Variants in AKAP6 observed in about 807,000 individuals in gnomAD.
The protein encoded by AKAP6 is A-kinase anchor protein 6.
A neutral mutation model predicts 188.5 loss-of-function variants in AKAP6; 58 were observed. The observed-to-expected ratio is 0.31, with a 90% confidence interval of 0.25 to 0.38. The LOEUF is 0.38. AKAP6 is among the 10% of genes least tolerant of loss of function. AKAP6 has a pLI of 1.00. For missense variants in AKAP6, 2,710 were observed against 2,740.0 expected (o/e 0.99, Z 0.24); for synonymous variants, 989 against 998.6 (o/e 0.99, Z 0.18).
chr14:32,610,576 C>T (rs1886312048), intron 7 of AKAP6, among the ~76,000 whole-genome samples: 1 of 152,064 alleles, frequency 6.6e-6, no homozygotes, highest in Non-Finnish European at 1.5e-5. Flanking sequence ...GCGATGAATA[C>T]AAGAGATACA....
chr14:32,775,745 T>C (rs773710806), intron 12 of AKAP6, among the ~76,000 whole-genome samples: 2 of 152,146 alleles, frequency 1.3e-5, no homozygotes, highest in African/African-American at 4.8e-5. Flanking sequence ...TCTACTTCTA[T>C]GGTAAAGGCA....
chr14:32,754,333 G>C (rs966865278), intron 11 of AKAP6, among the ~76,000 whole-genome samples: 1 of 151,976 alleles, frequency 6.6e-6, no homozygotes, highest in Admixed American at 6.6e-5. Flanking sequence ...CATTTGCATG[G>C]AGTATGCAAC....
At chr14:32,632,432 T>G (rs1180415573) in intron 7 of AKAP6, among the ~76,000 whole-genome samples, 1 of 152,088 alleles carries the variant, frequency 6.6e-6, no homozygotes, top group Non-Finnish European at 1.5e-5. Flanking sequence ...TGGGAGAACT[T>G]GGGCTTCTCC....
rs56318246 is a variant in AKAP6, at chr14:32,355,781, C to CT, written c.-35+26384dup. On this transcript the variant is annotated intron_variant, in intron 1 of 13. Coordinates refer to ENST00000280979, the MANE Select transcript of AKAP6 (RefSeq NM_004274.5). The stretch of plus-strand genomic sequence containing the variant: ...ATTGTGATTTCTTTTCTTTTCTTTT[C>CT]TTTTTTTTTTTGAGACAAGTTCTTG... Among the ~76,000 whole-genome samples the CT allele has an allele frequency of 3.4e-3, 495 of 146,620 alleles. 2 individuals carry two copies. Among genetic ancestry groups the CT allele is most frequent in the African/African-American group, 9.6e-3 (386 of 40,096 alleles).
At chr14:32,690,063 A>G (rs565485107) in intron 8 of AKAP6, among the ~76,000 whole-genome samples, 134 of 140,548 alleles carry the variant, frequency 9.5e-4, no homozygotes, top group African/African-American at 3.6e-3. Flanking sequence ...ATGTATTCTT[A>G]AGTGCCCCAA....
chr14:32,390,466 C>G (rs1472646534), intron 1 of AKAP6, among the ~76,000 whole-genome samples: 4 of 152,134 alleles, frequency 2.6e-5, no homozygotes, highest in Non-Finnish European at 5.9e-5. Context: ...GGTTCATTCT[C>G]ATTTGGGTAG....
rs115303566 is a variant in AKAP6, at chr14:32,623,003, G to A, written c.2730+22211G>A. On this transcript the variant is annotated intron_variant, in intron 7 of 13. Coordinates refer to ENST00000280979, the MANE Select transcript of AKAP6 (RefSeq NM_004274.5). ...GGGTGCTACCAGTGGTGGTGGTAGT[G>A]GTAGGGTGTGTGAAAAATCAGTCCC... 5.6e-3 allele frequency among the ~76,000 whole-genome samples: 859 copies of A among 152,166 alleles called. 9 individuals are homozygous for A. Among genetic ancestry groups the A allele is most frequent in the African/African-American group, 0.019 (792 of 41,538 alleles).
At chr14:32,803,407 T>C (rs754812634) in intron 12 of AKAP6, among the ~76,000 whole-genome samples, 7 of 152,226 alleles carry the variant, frequency 4.6e-5, no homozygotes, top group Admixed American at 1.3e-4. Flanking sequence ...TCTGGGTTAT[T>C]AAGAATAATT....
chr14:32,365,301 A>T, intron 1 of AKAP6, among the ~76,000 whole-genome samples: 1 of 152,206 alleles, frequency 6.6e-6, no homozygotes, highest in Non-Finnish European at 1.5e-5. Context: ...TTCTCCAATT[A>T]GGAGTCTTCT....
At chr14:32,471,612 C>T (rs542476064) in intron 2 of AKAP6, among the ~76,000 whole-genome samples, 5 of 152,254 alleles carry the variant, frequency 3.3e-5, no homozygotes, top group African/African-American at 7.2e-5. Context: ...CATTGTAAAC[C>T]CTTTCAACAT....
At chr14:32,447,720 T>C (rs1289632657) in intron 2 of AKAP6, among the ~76,000 whole-genome samples, 2 of 152,236 alleles carry the variant, frequency 1.3e-5, no homozygotes, top group African/African-American at 2.4e-5. Flanking sequence ...CACATAATCA[T>C]GTTTGAGAGA....
At chr14:32,749,498 C>T (rs1249715926) in intron 11 of AKAP6, among the ~76,000 whole-genome samples, 1 of 152,096 alleles carries the variant, frequency 6.6e-6, no homozygotes. Flanking sequence ...CTCTTTGTAC[C>T]CATTTCCTTT....
chr14:32,433,346 T>G, intron 1 of AKAP6, 114 bp from the exon 2 acceptor site: 1 of 757,940 alleles, frequency 1.3e-6, no homozygotes, highest in South Asian at 2.0e-5. Flanking sequence ...AGCTATGGTT[T>G]CTTAATTTAG....
Position 32,775,916 on chromosome 14 carries a change from C to T in AKAP6, c.3588+2023C>T, listed in dbSNP as rs77624998. On this transcript the variant is annotated intron_variant, in intron 12 of 13. Coordinates refer to ENST00000280979, the MANE Select transcript of AKAP6 (RefSeq NM_004274.5). ...AAGGTAGCAAATAAGGTCCTCTGTG[C>T]TGAAAGTTGAAAATCTCTGTCAGAA... Among the ~76,000 whole-genome samples the T allele has an allele frequency of 2.4e-3, 372 of 152,298 alleles. 1 individual carries two copies. The highest frequency in any genetic ancestry group is 8.5e-3 in the African/African-American group (354 of 41,550).
At chr14:32,509,013 G>A (rs748512723) in intron 2 of AKAP6, among the ~76,000 whole-genome samples, 5 of 151,218 alleles carry the variant, frequency 3.3e-5, no homozygotes, top group Non-Finnish European at 4.4e-5. Flanking sequence ...TAGTAGAGAC[G>A]GAGTTTCACC....
chr14:32,393,481 A>G (rs908428790), intron 1 of AKAP6, among the ~76,000 whole-genome samples: 1 of 152,146 alleles, frequency 6.6e-6, no homozygotes, highest in African/African-American at 2.4e-5. Context: ...TGGACCAGAA[A>G]AAGCATATTA....
At chr14:32,602,138 G>A (rs576754356) in intron 7 of AKAP6, among the ~76,000 whole-genome samples, 14 of 152,274 alleles carry the variant, frequency 9.2e-5, no homozygotes, top group South Asian at 6.2e-4. Context: ...GGGCAAACTC[G>A]GAGCTATTTT....
chr14:32,342,253 C>T (rs554348411), intron 1 of AKAP6, among the ~76,000 whole-genome samples: 1 of 152,280 alleles, frequency 6.6e-6, no homozygotes, highest in African/African-American at 2.4e-5. Context: ...CTTCCACAGG[C>T]ACTTTTCACT....
At chr14:32,585,044 C>T (rs57295685) in intron 5 of AKAP6, among the ~76,000 whole-genome samples, 123,153 of 150,444 alleles carry the variant, frequency 0.82, 50,475 homozygotes, top group East Asian at 1. Flanking sequence ...TTTTTTTTTT[C>T]CCCTTTAAGA....
Sources: gnomAD v4.1 joint callset for allele counts (sites outside exome capture counted in the v4.1 genomes callset) on GRCh38, gnomAD v4.1.1 for gene constraint, MANE v1.5 for transcripts, NCBI Gene and HGNC (gene_info 2026-07-23, HGNC 2026-07-21) for gene names.